The following SHANK1 variants were observed in gnomAD, a reference collection of about 807,000 sequenced individuals.
SHANK1 encodes SH3 and multiple ankyrin repeat domains protein 1.
Under a neutral mutation model 165.6 loss-of-function variants are expected in SHANK1, and 35 were observed. The observed-to-expected ratio is 0.21, with a 90% confidence interval of 0.16 to 0.28. The LOEUF (loss-of-function observed/expected upper bound fraction) is 0.28, where lower values mean the gene tolerates loss of function less well. Among genes scored for constraint, SHANK1 ranks in the 10% least tolerant of loss-of-function variants. SHANK1 has a pLI of 1.00. For missense variants in SHANK1, 2,681 were observed against 3,036.4 expected (o/e 0.88, Z 2.75); for synonymous variants, 1,428 against 1,384.8 (o/e 1.03, Z -0.69).
chr19:50,661,915 C>T lies in SHANK1; in HGVS notation c.*50G>A. ...AGTCAGGGGTCAGAGGTCAAGAGGCCAGCAGGCTCAAGAGTTCTGTGGACG... is the reference window on the plus strand; with the variant it reads ...AGTCAGGGGTCAGAGGTCAAGAGGCTAGCAGGCTCAAGAGTTCTGTGGACG... On this transcript the variant is annotated 3_prime_UTR_variant, in exon 24 of 24. Coordinates refer to ENST00000293441, the MANE Select transcript of SHANK1 (RefSeq NM_016148.5). 3 of 1,603,250 alleles carry T rather than the reference C, an allele frequency of 1.9e-6. No homozygotes were observed. Among genetic ancestry groups the T allele is most frequent in the Non-Finnish European group, 2.6e-6 (3 of 1,171,962 alleles).
At chr19:50,680,247 A>G (rs1986133384) in intron 21 of SHANK1, among the ~76,000 whole-genome samples, 1 of 151,898 alleles carries the variant, frequency 6.6e-6, no homozygotes, top group Admixed American at 6.6e-5. Context: ...GAGAGGGGAA[A>G]TGAGAGGGCG....
chr19:50,674,618 C>G (rs1004962263), intron 21 of SHANK1, among the ~76,000 whole-genome samples: 3 of 152,128 alleles, frequency 2.0e-5, no homozygotes, highest in Non-Finnish European at 4.4e-5. Flanking sequence ...GCAGTGCCCC[C>G]CTAGAGCAGC....
chr19:50,710,215 G>A (rs1176831311), intron 8 of SHANK1, among the ~76,000 whole-genome samples: 1 of 152,116 alleles, frequency 6.6e-6, no homozygotes, highest in Non-Finnish European at 1.5e-5. Flanking sequence ...GAGAAGTGCC[G>A]GCACCATGTT....
chr19:50,685,056 C>G (rs887127251), intron 21 of SHANK1, among the ~76,000 whole-genome samples: 5 of 152,224 alleles, frequency 3.3e-5, no homozygotes, highest in African/African-American at 1.2e-4. Flanking sequence ...TAAATGGACC[C>G]CTGACCACTA....
Position 50,681,916 on chromosome 19 carries a change from A to T in SHANK1, c.2577+4321T>A, listed in dbSNP as rs561173135. 9.2e-5 allele frequency among the ~76,000 whole-genome samples: 14 copies of T among 151,742 alleles called. 1 individual carries two copies. In the East Asian group the frequency reaches 2.5e-3, roughly 27 times the overall value. ...CACACACCATGACTGGCTAATTTTT[A>T]AATATTTTGTAGAGACAGGGTCTCA... is the stretch of plus-strand genomic sequence containing the variant. On this transcript the variant is annotated intron_variant, in intron 21 of 23. Coordinates refer to ENST00000293441, the MANE Select transcript of SHANK1 (RefSeq NM_016148.5).
chr19:50,688,173 T>C lies in SHANK1; in HGVS notation c.2173-115A>G. ...CTGCCCTGTCCATGGCCCTCTGGGC[T>C]ATGTTCCTCTCCCTCCGACCCTTCA... On this transcript the variant is annotated intron_variant, in intron 17 of 23. Transcript: ENST00000293441. The surrounding 1 kb of genome is among the most constrained non-coding windows in gnomAD (Gnocchi z 6.7). The C allele has an allele frequency of 7.9e-7, 1 of 1,270,454 alleles. No individual in the cohort carries two copies. Among genetic ancestry groups the C allele is most frequent in the Non-Finnish European group, 1.1e-6 (1 of 902,278 alleles). 78.7% of individuals were successfully genotyped at this position (1,270,454 alleles called of 1,614,324 possible).
In SHANK1 at chr19:50,708,139, G is replaced by A. The variant is rs1599870130; in HGVS notation, c.1077+3232C>T. 2.6e-5 allele frequency among the ~76,000 whole-genome samples: 4 copies of A among 151,856 alleles called. No homozygotes were observed. In the East Asian group the frequency reaches 7.7e-4, roughly 29 times the overall value. ...TTTTTGTCTTTTTAGTAGAGACAGG[G>A]TTTCACCATCTTGGCCAGACTTGTC... On this transcript the variant is annotated intron_variant, in intron 8 of 23. Coordinates refer to ENST00000293441, the MANE Select transcript of SHANK1 (RefSeq NM_016148.5).
In SHANK1 at chr19:50,670,079, C is replaced by G. The variant is rs917800260; in HGVS notation, c.2675-794G>C. Among the ~76,000 whole-genome samples the G allele has an allele frequency of 6.6e-6, 1 of 152,032 alleles. No homozygotes were observed. Reference sequence around the variant, plus strand: ...CCATCCTCCGCCCTGAGCTCTGGGCCCCTATATTCAAATACCCACACCCAG... The same window carrying G: ...CCATCCTCCGCCCTGAGCTCTGGGCGCCTATATTCAAATACCCACACCCAG... On this transcript the variant is annotated intron_variant, in intron 22 of 23. Coordinates refer to ENST00000293441, the MANE Select transcript of SHANK1 (RefSeq NM_016148.5). This position sits in a 1 kb window ranked among gnomAD's most constrained non-coding sequence, Gnocchi z 4.1.
At chr19:50,681,239 G>A (rs58879644) in intron 21 of SHANK1, among the ~76,000 whole-genome samples, 11,246 of 152,140 alleles carry the variant, frequency 0.074, 526 homozygotes, top group African/African-American at 0.12. Context: ...GAGCAGAGAA[G>A]GCGGCAGAGA....
At chr19:50,696,761 C>T (rs1986753945) in intron 15 of SHANK1, among the ~76,000 whole-genome samples, 1 of 152,118 alleles carries the variant, frequency 6.6e-6, no homozygotes, top group Non-Finnish European at 1.5e-5. Context: ...TGCAGAGACC[C>T]ACCTGTCCAT....
chr19:50,706,222 G>A (rs1054256648), intron 8 of SHANK1, among the ~76,000 whole-genome samples: 4 of 152,074 alleles, frequency 2.6e-5, no homozygotes, highest in Non-Finnish European at 5.9e-5. Flanking sequence ...CCTTGGATTC[G>A]AACCCAGATC....
chr19:50,687,752 T>G, intron 18 of SHANK1, 90 bp from the exon 19 acceptor site: 1 of 1,353,980 alleles, frequency 7.4e-7, no homozygotes, highest in Non-Finnish European at 1.0e-6. Context: ...GCTCAGAGAA[T>G]AGCCATTGCC....
chr19:50,665,804 C>T (rs946377449), intron 23 of SHANK1, among the ~76,000 whole-genome samples: 2 of 146,626 alleles, frequency 1.4e-5, no homozygotes, highest in African/African-American at 5.1e-5. Flanking sequence ...GAGGCCAAGG[C>T]GGATGGATCA....
chr19:50,668,654 C>T lies in SHANK1; in HGVS notation c.3306G>A (p.Ser1102=). The T allele has an allele frequency of 3.7e-6, 5 of 1,362,420 alleles. No homozygotes were observed. Among genetic ancestry groups the T allele is most frequent in the Non-Finnish European group, 4.7e-6 (5 of 1,057,348 alleles). 84.4% of individuals were successfully genotyped at this position (1,362,420 alleles called of 1,614,324 possible). Reference sequence around the variant, plus strand: ...CCAGCGGGCCCTTGCGGCCGCGGCCCGAGCGGGCGGGCACGTACATGGCTG... The same window carrying T: ...CCAGCGGGCCCTTGCGGCCGCGGCCTGAGCGGGCGGGCACGTACATGGCTG... ...ASAAMYVPAR[S]GRGRKGPLVK... The change falls in exon 23 of 24, where the codon TCG becomes TCA. Residue 1102 remains serine, a synonymous_variant. Transcript: ENST00000293441.
At position 50,718,634 on chromosome 19, in the gene SHANK1, T is replaced by A. The variant is rs942916925; in HGVS notation, c.-44+772A>T. 2.3e-5 allele frequency among the ~76,000 whole-genome samples: 3 copies of A among 131,892 alleles called. No homozygotes were observed. Among genetic ancestry groups the A allele is most frequent in the Admixed American group, 7.3e-5 (1 of 13,786 alleles). The allele number at this position is 131,892 out of a possible 152,430, so 86.5% of individuals were successfully genotyped here. On this transcript the variant is annotated intron_variant, in intron 1 of 23. Transcript: ENST00000293441. This position sits in a 1 kb window ranked among gnomAD's most constrained non-coding sequence, Gnocchi z 5.1. ...GCTGAGGAATCGGCGAGGGGGGTGG[T>A]GGAGGACGCGAGAGAGGGGGTGCCC...
At chr19:50,689,144 TGC>T in intron 16 of SHANK1, 51 bp downstream of exon 16, 1 of 1,445,510 alleles carries the variant, frequency 6.9e-7, no homozygotes, top group South Asian at 1.1e-5. Flanking sequence ...TTTTCAGCCC[TGC>T]TTCTGGGGTC....
chr19:50,716,476 T>C lies in SHANK1; in HGVS notation c.258A>G (p.Lys86=), dbSNP rs1389135154. 1.2e-6 allele frequency: 2 copies of C among 1,613,842 alleles called. No homozygotes were observed. Among genetic ancestry groups the C allele is most frequent in the African/African-American group, 2.7e-5 (2 of 74,898 alleles). The change falls in exon 3 of 24, where the codon AAA becomes AAG. Residue 86 remains lysine (K), a splice_region_variant and synonymous_variant. Transcript: ENST00000293441. The surrounding 1 kb of genome is among the most constrained non-coding windows in gnomAD (Gnocchi z 8.4). ...TGGCATCGGGGTTGAAGCGAAGGCA[T>C]TTCTGGTTGGGGAAGAGATAGGGGC... is the stretch of plus-strand genomic sequence containing the variant. The part of the protein sequence containing the change: ...RIGIPDLHQT[K]CLRFNPDATI...
Position 50,686,434 on chromosome 19 carries a change from TGCC to T in SHANK1, c.2459-82_2459-80del. 9.5e-7 allele frequency: 1 copy of T among 1,054,984 alleles called. No homozygotes were observed. The highest frequency in any genetic ancestry group is 1.4e-6 in the Non-Finnish European group (1 of 713,442). 65.4% of individuals were successfully genotyped at this position (1,054,984 alleles called of 1,614,324 possible). On this transcript the variant is annotated intron_variant, in intron 20 of 23. Coordinates refer to ENST00000293441, the MANE Select transcript of SHANK1 (RefSeq NM_016148.5). This position sits in a 1 kb window ranked among gnomAD's most constrained non-coding sequence, Gnocchi z 5.7. The stretch of plus-strand genomic sequence containing the variant: ...TGACCCGGGCCGCAAAGACCAGAGC[TGCC>T]GCCCGCAGTTCATCCAGCACCTGGA...
intron 8 of SHANK1, among the ~76,000 whole-genome samples, chr19:50,710,200 G>A (rs913025368): frequency 6.6e-6 from 1 of 152,190 alleles, no homozygotes; most frequent in African/African-American, 2.4e-5. Flanking sequence ...AGGAGCACGT[G>A]GGGAGAGAAG....
Sources: gnomAD v4.1 joint callset for allele counts (sites outside exome capture counted in the v4.1 genomes callset) on GRCh38, gnomAD v4.1.1 for gene constraint, Gnocchi (gnomAD v3.1) non-coding constraint, MANE v1.5 for transcripts, NCBI Gene and HGNC (gene_info 2026-07-23, HGNC 2026-07-21) for gene names.